GDF10: variants seen among roughly 807,000 people sequenced by gnomAD.
The protein encoded by GDF10 is growth/differentiation factor 10.
Under a neutral mutation model 32.1 loss-of-function variants are expected in GDF10, and 23 were observed. The observed-to-expected ratio is 0.72, with a 90% CI of 0.52 to 1.02. GDF10 has a LOEUF of 1.02. Ranked by LOEUF, GDF10 falls within the 50% of genes least tolerant of loss-of-function variation. The pLI is 0.00. For synonymous variants in GDF10, 328 were observed against 303.1 expected (o/e 1.08, Z -0.85); for missense variants, 764 against 673.9 (o/e 1.13, Z -1.48).
At chr10:47,304,324 T>C (rs1192691066) in intron 1 of GDF10, among the ~76,000 whole-genome samples, 2 of 149,176 alleles carry the variant, frequency 1.3e-5, no homozygotes, top group African/African-American at 5.0e-5. Context: ...ACAACGTGCA[T>C]GCGTAAGGGA....
At chr10:47,303,009 G>A (rs2061009883) in intron 1 of GDF10, among the ~76,000 whole-genome samples, 1 of 152,216 alleles carries the variant, frequency 6.6e-6, no homozygotes, top group Non-Finnish European at 1.5e-5. Context: ...GGGCTAAGCA[G>A]GTTTTGTGCT....
chr10:47,303,506 T>A (rs986238006), intron 1 of GDF10, among the ~76,000 whole-genome samples: 2 of 152,008 alleles, frequency 1.3e-5, no homozygotes, highest in Non-Finnish European at 2.9e-5. Context: ...CCTTATAGGA[T>A]TTTTTTTAAT....
Position 47,310,057 on chromosome 10 carries a change from C to T in GDF10, c.581C>T (p.Ala194Val), listed in dbSNP as rs370459077. Reference sequence around the variant, plus strand: ...CTACTCCGCGGGGCCATGGCCCTGGCGCCCCCACCGCGCGGCCTGTGGCAG... The same window carrying T: ...CTACTCCGCGGGGCCATGGCCCTGGTGCCCCCACCGCGCGGCCTGTGGCAG... ...QGLLRGAMAL[A>V]PPPRGLWQAK... Residue 194 changes from alanine to valine, a missense_variant, in exon 2 of 3, where the codon GCG (alanine) becomes GTG (valine). By Grantham distance (64) the Ala-to-Val change is moderately conservative. Transcript: ENST00000580279. 2.5e-6 allele frequency: 4 copies of T among 1,604,348 alleles called. No homozygotes were observed. Among genetic ancestry groups the T allele is most frequent in the Middle Eastern group, 1.7e-4 (1 of 6,004 alleles).
intron 1 of GDF10, among the ~76,000 whole-genome samples, chr10:47,306,662 G>A (rs560328349): frequency 3.2e-4 from 49 of 152,342 alleles, no homozygotes; most frequent in African/African-American, 1.2e-3. Context: ...CAATGAAGCA[G>A]GGGCAGACAG....
rs782366884 is a variant in GDF10 at position 47,310,531 on chromosome 10, C to G, written c.1055C>G (p.Ser352Trp). ...GGCCAGGAGGTGTTCATGGCCGCCT[C>G]GCAGGTGCTGGACTTTGACGAGAAG... ...KKGQEVFMAASQVLDFDEKTM... is the reference protein window; with the variant it reads ...KKGQEVFMAAWQVLDFDEKTM... Residue 352 changes from serine (S) to tryptophan (W), a missense_variant, in exon 2 of 3, where the codon TCG becomes TGG. Physicochemically the swap from Ser to Trp is radical, Grantham distance 177 (BLOSUM62 -3). Coordinates refer to ENST00000580279, the MANE Select transcript of GDF10 (RefSeq NM_004962.5). The G allele has an allele frequency of 1.9e-6, 3 of 1,613,926 alleles. No homozygotes were observed. The highest frequency in any genetic ancestry group is 1.7e-5 in the Admixed American group (1 of 60,022).
chr10:47,302,087 C>T (rs1398977595), intron 1 of GDF10, among the ~76,000 whole-genome samples: 2 of 152,230 alleles, frequency 1.3e-5, no homozygotes. Context: ...TTGGATCTAA[C>T]TCCATCCTCA....
intron 1 of GDF10, among the ~76,000 whole-genome samples, chr10:47,308,222 C>T (rs1169807782): frequency 2.0e-5 from 3 of 152,176 alleles, no homozygotes; most frequent in African/African-American, 7.2e-5. Flanking sequence ...CCCTGGAGTG[C>T]TGATTAAAAT....
chr10:47,306,743 C>T (rs1336888896), intron 1 of GDF10, among the ~76,000 whole-genome samples: 2 of 151,956 alleles, frequency 1.3e-5, no homozygotes, highest in Admixed American at 1.3e-4. Flanking sequence ...TGAGCAGATA[C>T]CTGAAGAGGT....
chr10:47,309,994 T>C lies in GDF10; in HGVS notation c.518T>C (p.Leu173Pro). 1 of 1,610,794 alleles carries C rather than the reference T, an allele frequency of 6.2e-7. No homozygotes were observed. The highest frequency in any genetic ancestry group is 8.5e-7 in the Non-Finnish European group (1 of 1,178,706). The stretch of plus-strand genomic sequence containing the variant: ...GGCCCGCCCACACGCCAGCACCTGC[T>C]CTTCCGCAGCCTCTCGCAGAACACG... ...PLGPPTRQHLLFRSLSQNTAT... is the reference protein window; with the variant it reads ...PLGPPTRQHLPFRSLSQNTAT... Residue 173 changes from leucine to proline, a missense_variant, in exon 2 of 3, where the codon CTC becomes CCC. By Grantham distance (98) the Leu-to-Pro change is moderately conservative (BLOSUM62 -3). Transcript: ENST00000580279.
intron 1 of GDF10, among the ~76,000 whole-genome samples, chr10:47,304,690 T>A (rs1185206204): frequency 6.6e-6 from 1 of 152,236 alleles, no homozygotes; most frequent in Non-Finnish European, 1.5e-5. Context: ...ATTTGAGAGA[T>A]ATATATGTGA....
chr10:47,307,240 CAAAG>C (rs2061026283), intron 1 of GDF10, among the ~76,000 whole-genome samples: 1 of 149,100 alleles, frequency 6.7e-6, no homozygotes, highest in African/African-American at 2.5e-5. Context: ...ATCAGGAAAA[CAAAG>C]AGAAGAAGAG....
rs1555207897 is a variant in GDF10, at chr10:47,312,725, A to G, written c.1370A>G (p.Asp457Gly). 1 of 1,607,464 alleles carries G rather than the reference A, an allele frequency of 6.2e-7. No individual in the cohort carries two copies. The highest frequency in any genetic ancestry group is 2.3e-5 in the East Asian group (1 of 44,374). Residue 457 changes from aspartate to glycine, a missense_variant, in exon 3 of 3, where the codon GAT becomes GGT. By Grantham distance (94) the Asp-to-Gly change is moderately conservative. Coordinates refer to ENST00000580279, the MANE Select transcript of GDF10 (RefSeq NM_004962.5). ...KMNSLGVLFL[D>G]ENRNVVLKVY... ...AACTCCCTTGGGGTCCTCTTCCTGG[A>G]TGAGAATCGGAATGTGGTTCTGAAG...
rs2061037629 is a variant in GDF10 at position 47,309,947 on chromosome 10, T to C, written c.471T>C (p.Ala157=). 19 of 1,612,580 alleles carry C rather than the reference T, an allele frequency of 1.2e-5. No individual in the cohort carries two copies. The highest frequency in any genetic ancestry group is 1.6e-5 in the Non-Finnish European group (19 of 1,179,650). The change falls in exon 2 of 3, where the codon GCT becomes GCC. Residue 157 remains alanine (A), a synonymous_variant. Coordinates refer to ENST00000580279, the MANE Select transcript of GDF10 (RefSeq NM_004962.5). ...EVLCKPRAKN[A]SGRPLPLGPP... Reference sequence around the variant, plus strand: ...TATGCAAGCCGCGGGCCAAGAACGCTTCAGGCCGCCCGCTGCCCCTGGGCC... The same window carrying C: ...TATGCAAGCCGCGGGCCAAGAACGCCTCAGGCCGCCCGCTGCCCCTGGGCC...
In GDF10 at chr10:47,310,297, C is replaced by T; in HGVS notation, c.821C>T (p.Pro274Leu). Residue 274 changes from proline to leucine, a missense_variant, in exon 2 of 3, where the codon CCC becomes CTC. By Grantham distance (98) the Pro-to-Leu change is moderately conservative. Coordinates refer to ENST00000580279, the MANE Select transcript of GDF10 (RefSeq NM_004962.5). The part of the protein sequence containing the change: ...QRYDPFPAGD[P>L]EPRAAPNNSA... ...TACGACCCCTTCCCTGCCGGAGACC[C>T]CGAGCCCCGCGCAGCCCCCAACAAC... The T allele has an allele frequency of 6.2e-7, 1 of 1,608,244 alleles. No individual in the cohort carries two copies. The highest frequency in any genetic ancestry group is 8.5e-7 in the Non-Finnish European group (1 of 1,177,670).
At chr10:47,305,410 G>T (rs1405076380) in intron 1 of GDF10, among the ~76,000 whole-genome samples, 3 of 152,180 alleles carry the variant, frequency 2.0e-5, no homozygotes, top group African/African-American at 7.2e-5. Context: ...AGCTAGTAAG[G>T]GATGCCAGCA....
rs1459116175 is a variant in GDF10, at chr10:47,310,283, C to G, written c.807C>G (p.Phe269Leu). ...TGACGCTGCAGAGATACGACCCCTTCCCTGCCGGAGACCCCGAGCCCCGCG... is the reference window on the plus strand; with the variant it reads ...TGACGCTGCAGAGATACGACCCCTTGCCTGCCGGAGACCCCGAGCCCCGCG... ...VAVTLQRYDP[F>L]PAGDPEPRAA... The change falls in exon 2 of 3, where the codon TTC (phenylalanine) becomes TTG (leucine). Residue 269 changes from phenylalanine (F) to leucine (L), a missense_variant. Coordinates refer to ENST00000580279, the MANE Select transcript of GDF10 (RefSeq NM_004962.5). 1.9e-6 allele frequency: 3 copies of G among 1,608,660 alleles called. No homozygotes were observed. The highest frequency in any genetic ancestry group is 2.7e-5 in the African/African-American group (2 of 74,882).
In GDF10 at chr10:47,300,862, G is replaced by A; in HGVS notation, c.211G>A (p.Ala71Thr). ...CGCGGCCGCCACGTTGGGCCCCAGC[G>A]CCCAGGACATGGTCGCTGTCCACAT... is the stretch of plus-strand genomic sequence containing the variant. Reference protein sequence around the residue: ...GDAAATLGPSAQDMVAVHMHR... With the variant: ...GDAAATLGPSTQDMVAVHMHR... Residue 71 changes from alanine (A) to threonine (T), a missense_variant, in exon 1 of 3, where the codon GCC becomes ACC. Ala to Thr is a moderately conservative substitution (Grantham distance 58). Transcript: ENST00000580279. 1 of 1,586,452 alleles carries A rather than the reference G, an allele frequency of 6.3e-7. No homozygotes were observed. The highest frequency in any genetic ancestry group is 8.5e-7 in the Non-Finnish European group (1 of 1,174,018).
intron 1 of GDF10, among the ~76,000 whole-genome samples, chr10:47,306,153 G>A (rs2061022391): frequency 6.6e-6 from 1 of 152,188 alleles, no homozygotes; most frequent in Admixed American, 6.5e-5. Context: ...TGGTGAAAAT[G>A]ATGAATCAAG....
At position 47,310,466 on chromosome 10, in the gene GDF10, G is replaced by T. The variant is rs782407138; in HGVS notation, c.990G>T (p.Ala330=). 7 of 1,613,584 alleles carry T rather than the reference G, an allele frequency of 4.3e-6. No homozygotes were observed. In the East Asian group the frequency reaches 1.1e-4, roughly 26 times the overall value. The change falls in exon 2 of 3, where the codon GCG becomes GCT. Residue 330 remains alanine, a synonymous_variant. Coordinates refer to ENST00000580279, the MANE Select transcript of GDF10 (RefSeq NM_004962.5). The part of the protein sequence containing the change: ...KHQLWPSPFR[A]LKPRPGRKDR... The stretch of plus-strand genomic sequence containing the variant: ...AGCTGTGGCCCAGCCCCTTCCGGGC[G>T]CTGAAACCCCGGCCAGGGCGCAAAG...
Sources: gnomAD v4.1 joint callset for allele counts (sites outside exome capture counted in the v4.1 genomes callset) on GRCh38, gnomAD v4.1.1 for gene constraint, MANE v1.5 for transcripts, NCBI Gene and HGNC (gene_info 2026-07-23, HGNC 2026-07-21) for gene names.